The following INPP5A variants were observed in gnomAD, a reference collection of about 807,000 sequenced individuals.
INPP5A encodes inositol polyphosphate-5-phosphatase A.
INPP5A carries 14 observed loss-of-function variants against 65.2 expected under a neutral mutation model. The observed-to-expected ratio is 0.21, with a 90% CI of 0.14 to 0.34. The LOEUF (loss-of-function observed/expected upper bound fraction) is 0.34. Among genes scored for constraint, INPP5A ranks in the 10% least tolerant of loss-of-function variants. The pLI is 1.00. For synonymous variants in INPP5A, 207 were observed against 208.3 expected (o/e 0.99, Z 0.05); for missense variants, 431 against 545.6 (o/e 0.79, Z 2.09).
intron 1 of INPP5A, among the ~76,000 whole-genome samples, chr10:132,592,227 TG>T (rs1179335421): frequency 6.6e-6 from 1 of 152,184 alleles, no homozygotes; most frequent in Non-Finnish European, 1.5e-5. Flanking sequence ...AGCACACATT[TG>T]GTAAAGCTAC....
At chr10:132,554,110 G>C (rs2071092646) in intron 1 of INPP5A, among the ~76,000 whole-genome samples, 1 of 152,168 alleles carries the variant, frequency 6.6e-6, no homozygotes, top group Admixed American at 6.5e-5. Context: ...ATATTGAGTG[G>C]GATAGGGAGG....
At chr10:132,667,239 T>G (rs993103650) in intron 4 of INPP5A, among the ~76,000 whole-genome samples, 2 of 152,240 alleles carry the variant, frequency 1.3e-5, no homozygotes, top group Non-Finnish European at 2.9e-5. Context: ...TGGTTGGAGC[T>G]CGGCTGTTTA....
intron 6 of INPP5A, among the ~76,000 whole-genome samples, chr10:132,700,907 C>T (rs766062654): frequency 1.3e-5 from 2 of 152,162 alleles, no homozygotes; most frequent in Non-Finnish European, 2.9e-5. Flanking sequence ...GAGCCACACT[C>T]CAGATAATGT....
At chr10:132,660,057 C>T (rs903418768) in intron 4 of INPP5A, among the ~76,000 whole-genome samples, 4 of 152,208 alleles carry the variant, frequency 2.6e-5, no homozygotes, top group African/African-American at 7.2e-5. Flanking sequence ...GCGTGGCCCA[C>T]GGCACGTTCT....
In INPP5A at chr10:132,772,787, CACGAAGA is replaced by C. The variant is rs2134685856; in HGVS notation, c.978-4883_978-4877del. 5.2e-3 allele frequency among the ~76,000 whole-genome samples: 2 copies of C among 384 alleles called. 1 individual carries two copies. Among genetic ancestry groups the C allele is most frequent in the Non-Finnish European group, 0.012 (2 of 164 alleles). The allele number at this position is 384 out of a possible 152,430, so 0.3% of individuals were successfully genotyped here. On this transcript the variant is annotated intron_variant, in intron 12 of 15. Coordinates refer to ENST00000368594, the MANE Select transcript of INPP5A (RefSeq NM_005539.5). Reference sequence around the variant, plus strand: ...GACACGGAGGCCACGGCAGCCGCCCCACGAAGAGTGGGACGGACACTCAGCACTGACA... The same window carrying C: ...GACACGGAGGCCACGGCAGCCGCCCCGTGGGACGGACACTCAGCACTGACA...
intron 1 of INPP5A, among the ~76,000 whole-genome samples, chr10:132,607,305 G>A (rs192569695): frequency 1.6e-3 from 237 of 152,276 alleles, no homozygotes; most frequent in African/African-American, 5.3e-3. Flanking sequence ...GTTTCCTTGC[G>A]TGTGTGCACG....
rs2071118268 is a variant in INPP5A at position 132,555,777 on chromosome 10, G to A, written c.75+17606G>A. Among the ~76,000 whole-genome samples the A allele has an allele frequency of 6.6e-6, 1 of 152,224 alleles. No homozygotes were observed. The highest frequency in any genetic ancestry group is 2.1e-4 in the South Asian group (1 of 4,836). On this transcript the variant is annotated intron_variant, in intron 1 of 15. Transcript: ENST00000368594. The surrounding 1 kb of genome is among the most constrained non-coding windows in gnomAD (Gnocchi z 4.4). ...CACACCTTGTCACACTCTGCAGGGTGTTTTGTTGCCCTCAGCACGTGTGGT... is the reference window on the plus strand; with the variant it reads ...CACACCTTGTCACACTCTGCAGGGTATTTTGTTGCCCTCAGCACGTGTGGT...
At position 132,550,725 on chromosome 10, in the gene INPP5A, C is replaced by T. The variant is rs1002893499; in HGVS notation, c.75+12554C>T. 1.3e-5 allele frequency among the ~76,000 whole-genome samples: 2 copies of T among 152,234 alleles called. No individual in the cohort carries two copies. Among genetic ancestry groups the T allele is most frequent in the East Asian group, 1.9e-4 (1 of 5,204 alleles). On this transcript the variant is annotated intron_variant, in intron 1 of 15. Transcript: ENST00000368594. The surrounding 1 kb of genome is among the most constrained non-coding windows in gnomAD (Gnocchi z 4.2). ...ACAAGTGGAAACACTAGTTTGGTCCCGCCTGACCTCATGGAAGACGGTGGA... is the reference window on the plus strand; with the variant it reads ...ACAAGTGGAAACACTAGTTTGGTCCTGCCTGACCTCATGGAAGACGGTGGA...
intron 8 of INPP5A, among the ~76,000 whole-genome samples, chr10:132,711,833 G>A (rs1845642085): frequency 6.6e-6 from 1 of 152,260 alleles, no homozygotes; most frequent in Non-Finnish European, 1.5e-5. Context: ...GGCAGAGGCA[G>A]GGATTGGCAG....
chr10:132,597,683 C>G (rs1302324139), intron 1 of INPP5A, among the ~76,000 whole-genome samples: 1 of 152,166 alleles, frequency 6.6e-6, no homozygotes, highest in Non-Finnish European at 1.5e-5. Context: ...AGTGTTTTGT[C>G]CTTTAGTGTG....
intron 2 of INPP5A, among the ~76,000 whole-genome samples, chr10:132,624,526 G>A (rs540432570): frequency 7.2e-5 from 11 of 151,822 alleles, no homozygotes; most frequent in Non-Finnish European, 1.5e-4. Context: ...CCACCGGCGT[G>A]TCTGCACTTC....
In INPP5A at chr10:132,572,226, G is replaced by A. The variant is rs562368060; in HGVS notation, c.75+34055G>A. Among the ~76,000 whole-genome samples, 104 of 152,362 alleles carry A rather than the reference G, an allele frequency of 6.8e-4. 1 individual carries two copies. Among genetic ancestry groups the A allele is most frequent in the Non-Finnish European group, 1.2e-3 (81 of 68,040 alleles). On this transcript the variant is annotated intron_variant, in intron 1 of 15. Transcript: ENST00000368594. The stretch of plus-strand genomic sequence containing the variant: ...ACCATTGTGATACTCAGAGGAAAAC[G>A]CCTGTGGCCCATGGGGGGGCCTTCA...
rs2070857779 is a variant in INPP5A at position 132,537,846 on chromosome 10, T to G, written c.-251T>G. ...GAACTTTCCCAGCGGATCTAATGGC[T>G]GCGCGCGGGCCGCTGTGAGGCGCGG... On this transcript the variant is annotated 5_prime_UTR_variant, in exon 1 of 16. Transcript: ENST00000368594. The G allele has an allele frequency of 9.6e-6, 3 of 311,640 alleles. No homozygotes were observed. Among genetic ancestry groups the G allele is most frequent in the Non-Finnish European group, 1.2e-5 (2 of 173,148 alleles). 19.3% of individuals were successfully genotyped at this position (311,640 alleles called of 1,614,324 possible). A position where few individuals can be genotyped will look rare whatever the true frequency, so the allele number is the denominator to read the frequency against.
Position 132,650,513 on chromosome 10 carries a change from C to A in INPP5A, c.306+8C>A. The A allele has an allele frequency of 1.3e-6, 2 of 1,581,792 alleles. No homozygotes were observed. The highest frequency in any genetic ancestry group is 1.7e-6 in the Non-Finnish European group (2 of 1,152,944). On this transcript the variant is annotated splice_region_variant and intron_variant, in intron 4 of 15. Coordinates refer to ENST00000368594, the MANE Select transcript of INPP5A (RefSeq NM_005539.5). This position sits in a 1 kb window ranked among gnomAD's most constrained non-coding sequence, Gnocchi z 5.5. The stretch of plus-strand genomic sequence containing the variant: ...TCCCAGGAGCACTTCACGGTGAGTC[C>A]CTCCCGCTGCCTGGTGCAGGGGTCA...
At position 132,627,860 on chromosome 10, in the gene INPP5A, C is replaced by T. The variant is rs57265250; in HGVS notation, c.118-18008C>T. Among the ~76,000 whole-genome samples the T allele has an allele frequency of 0.011, 1,689 of 152,060 alleles. 33 individuals carry two copies. Among genetic ancestry groups the T allele is most frequent in the African/African-American group, 0.039 (1,619 of 41,468 alleles). On this transcript the variant is annotated intron_variant, in intron 2 of 15. Transcript: ENST00000368594. This position sits in a 1 kb window ranked among gnomAD's most constrained non-coding sequence, Gnocchi z 6.6. ...TATTGGAAACCGGGAGGGGTGAGGC[C>T]GTGGAGAGAGCCGTGTGGGGGAGGT...
intron 8 of INPP5A, among the ~76,000 whole-genome samples, chr10:132,723,345 T>G (rs1273288272): frequency 1.3e-5 from 2 of 152,228 alleles, no homozygotes; most frequent in African/African-American, 4.8e-5. Context: ...ACTGGGGAAC[T>G]CATTAGAGTT....
intron 5 of INPP5A, among the ~76,000 whole-genome samples, chr10:132,694,680 A>G (rs1845318454): frequency 6.6e-6 from 1 of 152,190 alleles, no homozygotes; most frequent in Non-Finnish European, 1.5e-5. Context: ...GAGAGAAGAC[A>G]CAGATTATTA....
At chr10:132,552,982 C>T (rs564960792) in intron 1 of INPP5A, among the ~76,000 whole-genome samples, 325 of 97,036 alleles carry the variant, frequency 3.3e-3, no homozygotes, top group Non-Finnish European at 4.7e-3. Flanking sequence ...GATTGGTGAA[C>T]GCCTTCTCAG....
At position 132,565,637 on chromosome 10, in the gene INPP5A, ATGTATATG is replaced by A. The variant is rs565166647; in HGVS notation, c.75+27472_75+27479del. ...TGCATGTGTGTATGTGTGTATATGTATGTATATGTGTATGTGTGTATGTGGGTCTATGT... is the reference window on the plus strand; with the variant it reads ...TGCATGTGTGTATGTGTGTATATGTATGTATGTGTGTATGTGGGTCTATGT... On this transcript the variant is annotated intron_variant, in intron 1 of 15. Transcript: ENST00000368594. Among the ~76,000 whole-genome samples, 93 of 151,456 alleles carry A rather than the reference ATGTATATG, an allele frequency of 6.1e-4. No homozygotes were observed. In the South Asian group the frequency reaches 7.1e-3, roughly 12 times the overall value.
Sources: gnomAD v4.1 joint callset for allele counts (sites outside exome capture counted in the v4.1 genomes callset) on GRCh38, gnomAD v4.1.1 for gene constraint, Gnocchi (gnomAD v3.1) non-coding constraint, MANE v1.5 for transcripts, NCBI Gene and HGNC (gene_info 2026-07-23, HGNC 2026-07-21) for gene names.